ZW10: variants seen among roughly 807,000 people sequenced by gnomAD.
ZW10 encodes centromere/kinetochore protein zw10 homolog.
Under a neutral mutation model 87.8 loss-of-function variants are expected in ZW10, and 53 were observed. The observed-to-expected ratio is 0.60, with a 90% CI of 0.48 to 0.76. The LOEUF (loss-of-function observed/expected upper bound fraction) is 0.76, where lower values mean the gene tolerates loss of function less well. Among genes scored for constraint, ZW10 ranks in the 30% least tolerant of loss-of-function variants. The probability of loss-of-function intolerance (pLI) is 0.00; values close to 1 mark genes in which losing one functional copy is unlikely to be tolerated. For missense variants in ZW10, 837 were observed against 923.0 expected (o/e 0.91, Z 1.21); for synonymous variants, 312 against 329.2 (o/e 0.95, Z 0.57).
chr11:113,754,480 AT>A (rs1415103625), intron 7 of ZW10, among the ~76,000 whole-genome samples: 1 of 152,068 alleles, frequency 6.6e-6, no homozygotes, highest in Non-Finnish European at 1.5e-5. Flanking sequence ...GTGCGACTCC[AT>A]CTCAAAAAAA....
chr11:113,756,255 G>C (rs1191866960), intron 7 of ZW10, among the ~76,000 whole-genome samples: 44 of 152,058 alleles, frequency 2.9e-4, no homozygotes, highest in Admixed American at 2.9e-3. Context: ...GATAAGAGAG[G>C]CTTCAGGAAA....
intron 2 of ZW10, among the ~76,000 whole-genome samples, chr11:113,767,132 G>A (rs1299472585): frequency 6.6e-6 from 1 of 150,806 alleles, no homozygotes; most frequent in East Asian, 1.9e-4. Context: ...TAGAATAGCT[G>A]GGCCTTAGAT....
chr11:113,738,136 C>T (rs926885105), intron 13 of ZW10, 128 bp downstream of exon 13: 3 of 1,041,684 alleles, frequency 2.9e-6, no homozygotes, highest in African/African-American at 3.3e-5. Flanking sequence ...TCTAGATTTT[C>T]CAAAGGTGGG....
chr11:113,734,594 C>T (rs1198563022), intron 15 of ZW10, among the ~76,000 whole-genome samples: 2 of 152,080 alleles, frequency 1.3e-5, no homozygotes, highest in East Asian at 1.9e-4. Flanking sequence ...CACATGAGGT[C>T]AGGAGTTCAA....
chr11:113,736,742 A>C lies in ZW10; in HGVS notation c.2097T>G (p.Pro699=). The C allele has an allele frequency of 6.2e-7, 1 of 1,614,194 alleles. No homozygotes were observed. Among genetic ancestry groups the C allele is most frequent in the Non-Finnish European group, 8.5e-7 (1 of 1,180,024 alleles). The change falls in exon 15 of 16, where the codon CCT becomes CCG. Residue 699 remains proline (P), a synonymous_variant. Coordinates refer to ENST00000200135, the MANE Select transcript of ZW10 (RefSeq NM_004724.4). ...VMDEGPQVFA[P]LSEESKNKKY... is the part of the protein sequence containing the mutation. ...TCTTGTTCTTGCTTTCTTCAGATAA[A>C]GGTGCAAATACTTGGGGTCCTTCAT...
At chr11:113,772,090 G>A (rs988994021) in intron 1 of ZW10, among the ~76,000 whole-genome samples, 1 of 152,026 alleles carries the variant, frequency 6.6e-6, no homozygotes. Context: ...CTTGAAAAAT[G>A]GGTTTGAAAA....
chr11:113,759,365 T>G (rs1387296462), intron 5 of ZW10, among the ~76,000 whole-genome samples: 1 of 152,064 alleles, frequency 6.6e-6, no homozygotes, highest in African/African-American at 2.4e-5. Flanking sequence ...TCAGGATAAC[T>G]CCCTTCAAAT....
chr11:113,745,381 T>C (rs1258099054), intron 9 of ZW10, among the ~76,000 whole-genome samples: 1 of 152,018 alleles, frequency 6.6e-6, no homozygotes, highest in Non-Finnish European at 1.5e-5. Context: ...TTGCACATAC[T>C]GGACTTCGAC....
chr11:113,748,458 C>G, intron 7 of ZW10, 38 bp from the exon 8 acceptor site: 2 of 1,528,944 alleles, frequency 1.3e-6, no homozygotes, highest in African/African-American at 2.8e-5. Context: ...AACAAGAAAC[C>G]ATTCGCAGTC....
At chr11:113,747,851 A>T in intron 8 of ZW10, 138 bp from the exon 9 acceptor site, 1 of 569,228 alleles carries the variant, frequency 1.8e-6, no homozygotes, top group Non-Finnish European at 2.9e-6. Context: ...TAGGTATAAA[A>T]ATATACATAT....
chr11:113,748,182 C>A (rs1256168086), intron 8 of ZW10, 75 bp downstream of exon 8: 4 of 1,385,922 alleles, frequency 2.9e-6, no homozygotes, highest in Middle Eastern at 3.9e-4. Context: ...AACAAACTAT[C>A]TCCAAGGAAA....
chr11:113,740,439 A>T (rs1953602891), intron 11 of ZW10, among the ~76,000 whole-genome samples: 1 of 151,960 alleles, frequency 6.6e-6, no homozygotes, highest in East Asian at 1.9e-4. Context: ...AATATGTTAG[A>T]CAGGTGTGGT....
intron 12 of ZW10, among the ~76,000 whole-genome samples, chr11:113,738,903 A>G (rs1359441423): frequency 6.6e-6 from 1 of 152,054 alleles, no homozygotes; most frequent in African/African-American, 2.4e-5. Context: ...TACAAACAAA[A>G]TTGTCACATT....
chr11:113,735,554 C>G (rs1484611404), intron 15 of ZW10, among the ~76,000 whole-genome samples: 1 of 151,484 alleles, frequency 6.6e-6, no homozygotes. Flanking sequence ...CTGTAGTAAA[C>G]CAAGCTAAAG....
At chr11:113,740,195 GA>G (rs112679347) in intron 11 of ZW10, among the ~76,000 whole-genome samples, 12,914 of 151,474 alleles carry the variant, frequency 0.085, 588 homozygotes, top group Middle Eastern at 0.17. Flanking sequence ...TAAAAAAAAA[GA>G]AAAAAACACA....
Position 113,737,656 on chromosome 11 carries a change from C to A in ZW10, c.1932G>T (p.Leu644=). The A allele has an allele frequency of 6.2e-7, 1 of 1,613,424 alleles. No homozygotes were observed. Among genetic ancestry groups the A allele is most frequent in the Non-Finnish European group, 8.5e-7 (1 of 1,179,534 alleles). Reference sequence around the variant, plus strand: ...TAGCCTTGCAATATATATTCACTGGCAGGACATCCTGCCACACAATTCCAA... The same window carrying A: ...TAGCCTTGCAATATATATTCACTGGAAGGACATCCTGCCACACAATTCCAA... ...KRLGIVWQDV[L]PVNIYCKAMG... The change falls in exon 14 of 16, where the codon CTG becomes CTT. Residue 644 remains leucine, a synonymous_variant. Transcript: ENST00000200135.
chr11:113,748,160 G>A, intron 8 of ZW10, 97 bp downstream of exon 8: 1 of 1,143,252 alleles, frequency 8.7e-7, no homozygotes, highest in Non-Finnish European at 1.2e-6. Flanking sequence ...TTACTTAAAG[G>A]TATAACTAAA....
intron 1 of ZW10, among the ~76,000 whole-genome samples, chr11:113,771,880 A>G (rs1033388846): frequency 6.6e-6 from 1 of 152,062 alleles, no homozygotes; most frequent in Non-Finnish European, 1.5e-5. Context: ...TACATGAATT[A>G]AAAAAAAGAA....
chr11:113,746,667 G>A (rs1202365232), intron 9 of ZW10, among the ~76,000 whole-genome samples: 1 of 152,070 alleles, frequency 6.6e-6, no homozygotes, highest in African/African-American at 2.4e-5. Context: ...TTTTTTAAGT[G>A]ATCAGAAAGT....
Sources: gnomAD v4.1 joint callset for allele counts (sites outside exome capture counted in the v4.1 genomes callset) on GRCh38, gnomAD v4.1.1 for gene constraint, MANE v1.5 for transcripts, NCBI Gene and HGNC (gene_info 2026-07-23, HGNC 2026-07-21) for gene names.